CEP112: variants seen among roughly 807,000 people sequenced by gnomAD.
The protein encoded by CEP112 is centrosomal protein of 112 kDa.
A neutral mutation model predicts 153.0 loss-of-function variants in CEP112; 127 were observed. The observed-to-expected ratio is 0.83, with a 90% CI of 0.72 to 0.96. The LOEUF (loss-of-function observed/expected upper bound fraction) is 0.96, where lower values mean the gene tolerates loss of function less well. Among genes scored for constraint, CEP112 ranks in the 40% least tolerant of loss-of-function variants. The pLI is 0.00. For synonymous variants in CEP112, 358 were observed against 374.4 expected (o/e 0.96, Z 0.51); for missense variants, 1,089 against 1,101.2 (o/e 0.99, Z 0.16).
intron 23 of CEP112, among the ~76,000 whole-genome samples, chr17:65,703,902 C>T (rs562289688): frequency 1.3e-5 from 2 of 151,742 alleles, no homozygotes; most frequent in African/African-American, 4.8e-5. Context: ...GAATGTGGAG[C>T]CAAAACGACA....
intron 23 of CEP112, among the ~76,000 whole-genome samples, chr17:65,690,173 T>C (rs2048035914): frequency 6.8e-6 from 1 of 147,414 alleles, no homozygotes; most frequent in African/African-American, 2.5e-5. Flanking sequence ...ATCTGTGATC[T>C]CAGCACTTTC....
intron 21 of CEP112, among the ~76,000 whole-genome samples, chr17:65,756,430 A>G (rs1284359377): frequency 1.3e-5 from 2 of 151,216 alleles, no homozygotes; most frequent in Non-Finnish European, 3.0e-5. Flanking sequence ...AAAAAAAAAA[A>G]AAAGAAATCA....
At chr17:65,931,253 A>G (rs1237041337) in intron 18 of CEP112, among the ~76,000 whole-genome samples, 2 of 152,228 alleles carry the variant, frequency 1.3e-5, no homozygotes, top group African/African-American at 4.8e-5. Context: ...CAATTCACAG[A>G]CAAGAAAACC....
chr17:65,671,478 C>T lies in CEP112; in HGVS notation c.2697+17651G>A, dbSNP rs987953896. ...CTGCATATGCAAGAGGACTTGGAGG[C>T]TTTCTGTCTCTCATTGGTACAAACT... On this transcript the variant is annotated intron_variant, in intron 24 of 26. Transcript: ENST00000535342. 2.6e-5 allele frequency among the ~76,000 whole-genome samples: 4 copies of T among 152,274 alleles called. No homozygotes were observed. The South Asian group carries it at 8.3e-4, about 32-fold the overall frequency.
intron 20 of CEP112, among the ~76,000 whole-genome samples, chr17:65,884,727 T>C (rs1261606804): frequency 1.3e-5 from 2 of 149,138 alleles, no homozygotes; most frequent in Non-Finnish European, 3.0e-5. Flanking sequence ...TTCTTTTTTT[T>C]TTTTTTTGAG....
intron 4 of CEP112, among the ~76,000 whole-genome samples, chr17:66,147,876 ATACCAG>A (rs1233351750): frequency 3.9e-5 from 6 of 152,152 alleles, no homozygotes; most frequent in Non-Finnish European, 4.4e-5. Context: ...ATTTGTCTTT[ATACCAG>A]TACCACACTG....
intron 6 of CEP112, among the ~76,000 whole-genome samples, chr17:66,120,972 G>T (rs1018037236): frequency 6.6e-6 from 1 of 151,998 alleles, no homozygotes; most frequent in South Asian, 2.1e-4. Flanking sequence ...TTCTCTCTTG[G>T]TGCTTTCAAG....
intron 6 of CEP112, among the ~76,000 whole-genome samples, chr17:66,121,861 T>C (rs2069612141): frequency 1.3e-5 from 2 of 152,142 alleles, no homozygotes; most frequent in Admixed American, 1.3e-4. Context: ...CTGTATTTGA[T>C]GTGATATGGT....
intron 17 of CEP112, among the ~76,000 whole-genome samples, chr17:65,995,058 C>T (rs1192288631): frequency 6.6e-6 from 1 of 151,842 alleles, no homozygotes; most frequent in African/African-American, 2.4e-5. Context: ...CCGAAGAGCT[C>T]CCTTGCCTTT....
chr17:65,978,679 A>C (rs1455030668), intron 17 of CEP112, among the ~76,000 whole-genome samples: 1 of 152,258 alleles, frequency 6.6e-6, no homozygotes, highest in Non-Finnish European at 1.5e-5. Flanking sequence ...TTGCTAATGC[A>C]AATTTTGACT....
intron 26 of CEP112, 176 bp downstream of exon 26, chr17:65,636,948 A>G: frequency 1.7e-6 from 1 of 604,852 alleles, no homozygotes. Flanking sequence ...CAGACTAAGC[A>G]CTGGGATGAG....
chr17:66,042,800 C>G (rs1598207310), intron 12 of CEP112, among the ~76,000 whole-genome samples: 2 of 151,988 alleles, frequency 1.3e-5, no homozygotes, highest in Admixed American at 1.3e-4. Flanking sequence ...TATGGGAATT[C>G]TCTGCACTAT....
intron 8 of CEP112, among the ~76,000 whole-genome samples, chr17:66,073,822 G>GAAC (rs199557740): frequency 6.6e-6 from 1 of 151,898 alleles, no homozygotes; most frequent in African/African-American, 2.4e-5. Context: ...CAGCCTATAA[G>GAAC]AACAACAACA....
At chr17:66,067,020 C>G (rs2067147616) in intron 9 of CEP112, 143 bp from the exon 10 acceptor site, 1 of 1,126 alleles carries the variant, frequency 8.9e-4, no homozygotes, top group Non-Finnish European at 2.1e-3. Context: ...ATTATAAACA[C>G]ACACACACAC....
chr17:65,806,833 C>A (rs532480940), intron 21 of CEP112, among the ~76,000 whole-genome samples: 31 of 152,278 alleles, frequency 2.0e-4, no homozygotes, highest in African/African-American at 7.0e-4. Flanking sequence ...ATTACCCAGT[C>A]TCAGTTCTTT....
intron 21 of CEP112, among the ~76,000 whole-genome samples, chr17:65,775,778 C>T (rs1476639630): frequency 5.3e-5 from 8 of 152,196 alleles, no homozygotes. Flanking sequence ...GCTGGGATTA[C>T]AGGCATGAGC....
At chr17:66,123,002 A>T (rs1425887655) in intron 6 of CEP112, among the ~76,000 whole-genome samples, 1 of 152,160 alleles carries the variant, frequency 6.6e-6, no homozygotes, top group African/African-American at 2.4e-5. Context: ...AGAGCTTCTG[A>T]TCTCACTGGT....
chr17:65,858,285 G>A (rs2058193116), intron 20 of CEP112, among the ~76,000 whole-genome samples: 2 of 152,100 alleles, frequency 1.3e-5, no homozygotes, highest in African/African-American at 4.8e-5. Flanking sequence ...ACAGTGACCT[G>A]TCCCATGGGA....
At chr17:65,803,681 A>G (rs535308393) in intron 21 of CEP112, among the ~76,000 whole-genome samples, 1 of 152,324 alleles carries the variant, frequency 6.6e-6, no homozygotes, top group South Asian at 2.1e-4. Context: ...CTCCCAATAG[A>G]TAATTTCATG....
Sources: gnomAD v4.1 joint callset for allele counts (sites outside exome capture counted in the v4.1 genomes callset) on GRCh38, gnomAD v4.1.1 for gene constraint, MANE v1.5 for transcripts, NCBI Gene and HGNC (gene_info 2026-07-23, HGNC 2026-07-21) for gene names.